Variants in COLGALT1 observed in about 807,000 individuals in gnomAD.
COLGALT1 encodes procollagen galactosyltransferase 1.
In COLGALT1, 43 loss-of-function variants were observed where a neutral mutation model predicts 60.8. That is an observed-to-expected ratio of 0.71 (90% CI 0.55 to 0.91). The LOEUF is 0.91. COLGALT1 is among the 40% of genes least tolerant of loss of function. COLGALT1 has a pLI of 0.00. For synonymous variants in COLGALT1, 369 were observed against 374.2 expected (o/e 0.99, Z 0.16); for missense variants, 845 against 880.0 (o/e 0.96, Z 0.50).
chr19:17,577,497 G>T, intron 8 of COLGALT1, 30 bp downstream of exon 8: 1 of 293,724 alleles, frequency 3.4e-6, no homozygotes. Flanking sequence ...GTGGGGGGGC[G>T]GGTCCGCACG....
At chr19:17,581,080 A>C (rs2076378464) in intron 11 of COLGALT1, 97 bp from the exon 12 acceptor site, 3 of 1,456,208 alleles carry the variant, frequency 2.1e-6, no homozygotes, top group Non-Finnish European at 9.4e-7. Flanking sequence ...TTACGTTTTA[A>C]TCTGTCCCCG....
chr19:17,580,706 G>A lies in COLGALT1; in HGVS notation c.1402G>A (p.Gly468Ser). ...CCCGATCTTGCACCCCAGCTATGTG[G>A]GCCGGAAGCGGATGCAGGTGGAGCA... Reference protein sequence around the residue: ...EGLDWDLIYVGRKRMQVEHPE... With the variant: ...EGLDWDLIYVSRKRMQVEHPE... Residue 468 changes from glycine (G) to serine (S), a missense_variant, in exon 11 of 12, where the codon GGC (glycine) becomes AGC (serine). Gly to Ser is a moderately conservative substitution (Grantham distance 56). Transcript: ENST00000252599. 2 of 1,613,908 alleles carry A rather than the reference G, an allele frequency of 1.2e-6. No homozygotes were observed. Among genetic ancestry groups the A allele is most frequent in the Non-Finnish European group, 1.7e-6 (2 of 1,179,986 alleles).
intron 6 of COLGALT1, among the ~76,000 whole-genome samples, chr19:17,574,438 C>T (rs1333869076): frequency 1.3e-5 from 2 of 151,558 alleles, no homozygotes; most frequent in Admixed American, 1.3e-4. Flanking sequence ...TCAAGCGATT[C>T]CCCTGCCTCA....
rs373290053 is a variant in COLGALT1, at chr19:17,581,370, G to A, written c.1795G>A (p.Ala599Thr). Residue 599 changes from alanine (A) to threonine (T), a missense_variant, in exon 12 of 12, where the codon GCA (alanine) becomes ACA (threonine). Coordinates refer to ENST00000252599, the MANE Select transcript of COLGALT1 (RefSeq NM_024656.4). Reference protein sequence around the residue: ...AKSQKMREQQALSREAKNSDV... With the variant: ...AKSQKMREQQTLSREAKNSDV... The stretch of plus-strand genomic sequence containing the variant: ...GTCCCAGAAGATGCGGGAGCAGCAG[G>A]CACTGAGCCGTGAGGCCAAGAACTC... 2 of 1,613,090 alleles carry A rather than the reference G, an allele frequency of 1.2e-6. No individual in the cohort carries two copies. The highest frequency in any genetic ancestry group is 1.7e-6 in the Non-Finnish European group (2 of 1,179,960).
chr19:17,576,186 A>G (rs2076339224), intron 6 of COLGALT1, among the ~76,000 whole-genome samples: 1 of 152,138 alleles, frequency 6.6e-6, no homozygotes, highest in Non-Finnish European at 1.5e-5. Flanking sequence ...TGTCCTTCCC[A>G]AAGGGCTCAC....
At chr19:17,556,428 G>C (rs1186686412) in intron 1 of COLGALT1, 1 of 474,062 alleles carries the variant, frequency 2.1e-6, no homozygotes, top group Non-Finnish European at 2.8e-6. Context: ...TTCTGTGCCG[G>C]CTGCTGCCCT....
intron 5 of COLGALT1, among the ~76,000 whole-genome samples, chr19:17,572,137 C>T (rs2076316387): frequency 6.6e-6 from 1 of 151,964 alleles, no homozygotes; most frequent in Non-Finnish European, 1.5e-5. Context: ...TGATGAAACC[C>T]CGTCTCTACA....
At chr19:17,559,259 C>T (rs192442294) in intron 1 of COLGALT1, 52 bp from the exon 2 acceptor site, 1 of 1,366,482 alleles carries the variant, frequency 7.3e-7, no homozygotes, top group Non-Finnish European at 1.0e-6. Context: ...TCACTGCTGC[C>T]TGGTCCTGCC....
At chr19:17,569,160 C>T (rs370150194) in intron 5 of COLGALT1, among the ~76,000 whole-genome samples, 2 of 151,822 alleles carry the variant, frequency 1.3e-5, no homozygotes, top group South Asian at 2.1e-4. Context: ...TGCAGTGAGC[C>T]GAGATCATGC....
At position 17,581,248 on chromosome 19, in the gene COLGALT1, C is replaced by T. The variant is rs1002320023; in HGVS notation, c.1673C>T (p.Pro558Leu). The T allele has an allele frequency of 1.2e-6, 2 of 1,611,702 alleles. No individual in the cohort carries two copies. Among genetic ancestry groups the T allele is most frequent in the Non-Finnish European group, 1.7e-6 (2 of 1,179,978 alleles). Residue 558 changes from proline (P) to leucine (L), a missense_variant, in exon 12 of 12, where the codon CCC (proline) becomes CTC (leucine). Coordinates refer to ENST00000252599, the MANE Select transcript of COLGALT1 (RefSeq NM_024656.4). ...AFSVEPLLIY[P>L]THYTGDDGYV... ...TCTGTGGAGCCGCTGCTCATCTACC[C>T]CACACACTACACAGGAGACGATGGC...
In COLGALT1 at chr19:17,572,468, C is replaced by T. The variant is rs776751145; in HGVS notation, c.830-15C>T. On this transcript the variant is annotated splice_polypyrimidine_tract_variant and intron_variant, in intron 5 of 11. Transcript: ENST00000252599. ...CTGTTTTTACATTTGTCTGTTGCTT[C>T]CCTGCCCACTGCAGAGGTTCAGATG... is the stretch of plus-strand genomic sequence containing the variant. 3 of 1,614,014 alleles carry T rather than the reference C, an allele frequency of 1.9e-6. No homozygotes were observed. The highest frequency in any genetic ancestry group is 1.7e-5 in the Admixed American group (1 of 60,014).
At chr19:17,580,206 A>C (rs186103939) in intron 10 of COLGALT1, 1 of 199,932 alleles carries the variant, frequency 5.0e-6, no homozygotes, top group East Asian at 1.4e-4. Context: ...AGTGCCACCA[A>C]CATGTTTCCA....
At position 17,577,396 on chromosome 19, in the gene COLGALT1, G is replaced by C. The variant is rs755117158; in HGVS notation, c.1062G>C (p.Arg354=). 129 of 1,581,922 alleles carry C rather than the reference G, an allele frequency of 8.2e-5. No homozygotes were observed. The highest frequency in any genetic ancestry group is 1.0e-4 in the Non-Finnish European group (117 of 1,168,218). The part of the protein sequence containing the change: ...FMINLRRRQD[R]RERMLRALQA... Reference sequence around the variant, plus strand: ...TCAACCTGAGGCGGCGGCAGGACCGGCGGGAGCGCATGCTGCGGGCGCTGC... The same window carrying C: ...TCAACCTGAGGCGGCGGCAGGACCGCCGGGAGCGCATGCTGCGGGCGCTGC... The change falls in exon 8 of 12, where the codon CGG becomes CGC. Residue 354 remains arginine, a synonymous_variant. Transcript: ENST00000252599.
chr19:17,563,187 C>CTTTTTTTT (rs954111271), intron 3 of COLGALT1, among the ~76,000 whole-genome samples: 10 of 117,530 alleles, frequency 8.5e-5, no homozygotes, highest in African/African-American at 1.7e-4. Flanking sequence ...TTTCGTGTTT[C>CTTTTTTTT]TTTTTTTTTT....
intron 10 of COLGALT1, chr19:17,580,477 C>T (rs79005697): frequency 0.012 from 7,283 of 587,034 alleles, 307 homozygotes; most frequent in African/African-American, 0.11. Context: ...AGCTCCAGAT[C>T]CTCCATGGCT....
At chr19:17,581,072 AC>A (rs939564653) in intron 11 of COLGALT1, 104 bp from the exon 12 acceptor site, 34 of 1,427,290 alleles carry the variant, frequency 2.4e-5, no homozygotes, top group Middle Eastern at 3.7e-4. Context: ...CTGCACACTT[AC>A]GTTTTAATCT....
chr19:17,571,841 T>G (rs917483023), intron 5 of COLGALT1: 2 of 145,384 alleles, frequency 1.4e-5, no homozygotes, highest in South Asian at 2.2e-4. Context: ...ATTTTTACTG[T>G]TTTTTTTTTG....
chr19:17,560,269 G>A lies in COLGALT1; in HGVS notation c.372-79G>A, dbSNP rs1599777491. The A allele has an allele frequency of 5.3e-6, 6 of 1,126,120 alleles. No individual in the cohort carries two copies. The East Asian group carries it at 1.2e-4, about 22-fold the overall frequency. 69.8% of individuals were successfully genotyped at this position (1,126,120 alleles called of 1,614,324 possible). A position where few individuals can be genotyped will look rare whatever the true frequency, so the allele number is the denominator to read the frequency against. On this transcript the variant is annotated intron_variant, in intron 2 of 11. Coordinates refer to ENST00000252599, the MANE Select transcript of COLGALT1 (RefSeq NM_024656.4). ...CCCTCCTCCAGGAAGCTCTCTCTGA[G>A]TACCCCGAAGGCAGCTCAGGCCCTC...
chr19:17,562,772 G>A (rs1013236560), intron 3 of COLGALT1, among the ~76,000 whole-genome samples: 3 of 152,126 alleles, frequency 2.0e-5, no homozygotes, highest in Non-Finnish European at 1.5e-5. Context: ...AAGGCAGGGG[G>A]TTCAGGATGC....
Sources: allele counts gnomAD v4.1 joint callset (sites outside exome capture counted in the v4.1 genomes callset), GRCh38; gene constraint gnomAD v4.1.1; transcripts MANE v1.5; gene names NCBI Gene and HGNC (gene_info 2026-07-23, HGNC 2026-07-21).